The following FAM177A1 variants were observed in gnomAD, a reference collection of about 807,000 sequenced individuals.
The protein encoded by FAM177A1 is family with sequence similarity 177 member A1, also known as protein FAM177A1.
Under a neutral mutation model 26.1 loss-of-function variants are expected in FAM177A1, and 22 were observed. The observed-to-expected ratio is 0.84, with a 90% CI of 0.60 to 1.20. FAM177A1 has a LOEUF of 1.20. FAM177A1 is among the 50% of genes most tolerant of loss of function. The pLI, the probability that FAM177A1 is intolerant of heterozygous loss-of-function variation, is 0.00. For synonymous variants in FAM177A1, 95 were observed against 99.3 expected (o/e 0.96, Z 0.26); for missense variants, 296 against 291.1 (o/e 1.02, Z -0.12).
At chr14:35,068,882 CAGAG>C (rs921962797) in intron 2 of FAM177A1, among the ~76,000 whole-genome samples, 1 of 152,154 alleles carries the variant, frequency 6.6e-6, no homozygotes, top group African/African-American at 2.4e-5. Context: ...GAGAGAGAGA[CAGAG>C]AGAGAAGGGG....
chr14:35,063,513 G>C (rs1454462515), intron 2 of FAM177A1, among the ~76,000 whole-genome samples: 1 of 151,996 alleles, frequency 6.6e-6, no homozygotes, highest in Admixed American at 6.6e-5. Context: ...GGGAGGTGGA[G>C]GTTGCAGTGA....
intron 2 of FAM177A1, among the ~76,000 whole-genome samples, chr14:35,065,696 ATT>A (rs35125485): frequency 7.2e-5 from 10 of 139,120 alleles, no homozygotes; most frequent in Admixed American, 1.5e-4. Flanking sequence ...ATAAGAAGCA[ATT>A]TTTTTTTTTT....
Position 35,081,118 on chromosome 14 carries a change from C to G in FAM177A1, c.601C>G (p.Gln201Glu), listed in dbSNP as rs764566848. ...LQTDSIVQTD[Q>E]PETVISSSFV... is the part of the protein sequence containing the mutation. ...GACTGATTCCATTGTTCAGACAGAT[C>G]AACCAGAGACAGTGATATCCAGCTC... Residue 201 changes from glutamine (Q) to glutamate (E), a missense_variant, in exon 5 of 5, where the codon CAA becomes GAA. Transcript: ENST00000280987. The G allele has an allele frequency of 6.2e-7, 1 of 1,613,490 alleles. No individual in the cohort carries two copies. Among genetic ancestry groups the G allele is most frequent in the East Asian group, 2.2e-5 (1 of 44,796 alleles).
intron 2 of FAM177A1, among the ~76,000 whole-genome samples, chr14:35,058,455 T>G (rs1028837882): frequency 4.6e-5 from 7 of 152,248 alleles, no homozygotes; most frequent in Non-Finnish European, 1.0e-4. Flanking sequence ...ATTTGTTTAA[T>G]GTACTTTGGT....
chr14:35,057,566 AG>A, intron 2 of FAM177A1, among the ~76,000 whole-genome samples: 1 of 152,038 alleles, frequency 6.6e-6, no homozygotes, highest in Non-Finnish European at 1.5e-5. Flanking sequence ...TTTTTAGTAG[AG>A]GCAGGGTTTC....
At chr14:35,075,676 G>A (rs757486321) in intron 2 of FAM177A1, among the ~76,000 whole-genome samples, 4 of 152,156 alleles carry the variant, frequency 2.6e-5, no homozygotes, top group Non-Finnish European at 5.9e-5. Context: ...TACAGAATGG[G>A]AGAAAATTTT....
Position 35,046,515 on chromosome 14 carries a change from C to T in FAM177A1, c.52C>T (p.Pro18Ser). Reference protein sequence around the residue: ...ITLFLTSASSPVVATTMDQEP... With the variant: ...ITLFLTSASSSVVATTMDQEP... ...CCTCTTTCTCACCAGCGCCAGCAGC[C>T]CTGTGGTGGCGACGACGATGGACCA... is the stretch of plus-strand genomic sequence containing the variant. Residue 18 changes from proline to serine, a missense_variant, in exon 1 of 5, where the codon CCT becomes TCT. Pro to Ser is a moderately conservative substitution (Grantham distance 74). Transcript: ENST00000280987. The T allele has an allele frequency of 6.2e-7, 1 of 1,603,938 alleles. No individual in the cohort carries two copies. The highest frequency in any genetic ancestry group is 8.5e-7 in the Non-Finnish European group (1 of 1,176,670).
intron 2 of FAM177A1, among the ~76,000 whole-genome samples, chr14:35,064,805 C>G (rs967877292): frequency 1.3e-5 from 2 of 152,006 alleles, no homozygotes; most frequent in Non-Finnish European, 2.9e-5. Flanking sequence ...GCACCCGCCA[C>G]CATGACCAGC....
intron 2 of FAM177A1, among the ~76,000 whole-genome samples, chr14:35,070,011 G>A (rs1242709723): frequency 6.7e-6 from 1 of 149,296 alleles, no homozygotes; most frequent in Non-Finnish European, 1.5e-5. Flanking sequence ...AGCTACTCGG[G>A]AGGCTAAGGC....
chr14:35,070,100 G>T, intron 2 of FAM177A1, among the ~76,000 whole-genome samples: 1 of 104,858 alleles, frequency 9.5e-6, no homozygotes, highest in Non-Finnish European at 1.8e-5. Context: ...GGGCGACAGA[G>T]TGAGACTCTG....
Position 35,078,992 on chromosome 14 carries a change from G to A in FAM177A1, c.472G>A (p.Ala158Thr). 1 of 1,559,248 alleles carries A rather than the reference G, an allele frequency of 6.4e-7. No homozygotes were observed. The highest frequency in any genetic ancestry group is 8.6e-7 in the Non-Finnish European group (1 of 1,163,600). Reference protein sequence around the residue: ...LGISTPKYQYAIDEYYRMKKE... With the variant: ...LGISTPKYQYTIDEYYRMKKE... ...TATCAGCACCCCAAAGTACCAATAT[G>A]CCATTGATGAATATTATCGGATGAA... is the stretch of plus-strand genomic sequence containing the variant. The change falls in exon 4 of 5, where the codon GCC (alanine) becomes ACC (threonine). Residue 158 changes from alanine (A) to threonine (T), a missense_variant. Coordinates refer to ENST00000280987, the MANE Select transcript of FAM177A1 (RefSeq NM_173607.5).
chr14:35,071,197 C>T (rs1394345654), intron 2 of FAM177A1, among the ~76,000 whole-genome samples: 1 of 151,798 alleles, frequency 6.6e-6, no homozygotes, highest in African/African-American at 2.4e-5. Flanking sequence ...CAGGGTTTCA[C>T]CGTGTTAGCC....
At chr14:35,075,794 T>C (rs2045385235) in intron 2 of FAM177A1, among the ~76,000 whole-genome samples, 1 of 152,170 alleles carries the variant, frequency 6.6e-6, no homozygotes, top group African/African-American at 2.4e-5. Context: ...GCAAAGGATA[T>C]GAACAGACAC....
intron 2 of FAM177A1, among the ~76,000 whole-genome samples, chr14:35,067,790 A>AT (rs1215581670): frequency 4.6e-5 from 7 of 152,040 alleles, no homozygotes; most frequent in African/African-American, 1.4e-4. Context: ...GATGTTGAAC[A>AT]TTTTTTCATA....
chr14:35,063,120 C>G (rs577936396), intron 2 of FAM177A1, among the ~76,000 whole-genome samples: 1 of 136,418 alleles, frequency 7.3e-6, no homozygotes, highest in East Asian at 2.2e-4. Flanking sequence ...AAGATCGCGC[C>G]ACTGCACTCC....
intron 1 of FAM177A1, among the ~76,000 whole-genome samples, chr14:35,048,759 A>G (rs551071215): frequency 1.3e-5 from 2 of 152,106 alleles, no homozygotes; most frequent in South Asian, 2.1e-4. Flanking sequence ...AGAGGCCTCT[A>G]TCTTACACTT....
chr14:35,050,727 C>T (rs746064800), intron 1 of FAM177A1: 1 of 152,146 alleles, frequency 6.6e-6, no homozygotes, highest in Non-Finnish European at 1.5e-5. Flanking sequence ...TTAGATCCAT[C>T]CAGTTAGTAG....
intron 2 of FAM177A1, among the ~76,000 whole-genome samples, chr14:35,060,863 C>T (rs1178334098): frequency 6.6e-6 from 1 of 152,032 alleles, no homozygotes. Flanking sequence ...AGTTGATCAC[C>T]GTTCTGAGTA....
chr14:35,075,383 C>T (rs559517934), intron 2 of FAM177A1, among the ~76,000 whole-genome samples: 8 of 152,228 alleles, frequency 5.3e-5, no homozygotes, highest in African/African-American at 1.4e-4. Flanking sequence ...TTCCCAGCAC[C>T]GTTTATTAAA....
Sources: allele counts gnomAD v4.1 joint callset (sites outside exome capture counted in the v4.1 genomes callset), GRCh38; gene constraint gnomAD v4.1.1; transcripts MANE v1.5; gene names NCBI Gene and HGNC (gene_info 2026-07-23, HGNC 2026-07-21).